Variants in CFAP91 observed in about 807,000 individuals in gnomAD.
CFAP91 encodes the protein cilia and flagella associated protein 91.
Under a neutral mutation model 95.9 loss-of-function variants are expected in CFAP91, and 85 were observed. The observed-to-expected ratio is 0.89, with a 90% CI of 0.74 to 1.06. The LOEUF is 1.06. Among genes scored for constraint, CFAP91 ranks in the 50% least tolerant of loss-of-function variants. CFAP91 has a pLI of 0.00. For missense variants in CFAP91, 962 were observed against 943.4 expected, an observed-to-expected ratio of 1.02 and a Z score of -0.26; for synonymous variants, 335 against 327.5, an observed-to-expected ratio of 1.02 and a Z score of -0.25.
At chr3:119,752,021 C>T (rs2054335559) in intron 17 of CFAP91, among the ~76,000 whole-genome samples, 1 of 152,170 alleles carries the variant, frequency 6.6e-6, no homozygotes, top group African/African-American at 2.4e-5. Flanking sequence ...ACACATATCA[C>T]CTTATCAAGT....
chr3:119,743,134 C>CT lies in CFAP91; in HGVS notation c.1681-824dup, dbSNP rs1028044541. 2.8e-3 allele frequency among the ~76,000 whole-genome samples: 379 copies of CT among 137,048 alleles called. 1 individual carries two copies. The highest frequency in any genetic ancestry group is 3.8e-3 in the African/African-American group (143 of 37,444). The allele number at this position is 137,048 out of a possible 152,430, so 89.9% of individuals were successfully genotyped here. ...ATGGACATTTGGTCTGTTTCCTGTG[C>CT]TTTTTTTTTTTTTTTTTCTGAGATG... On this transcript the variant is annotated intron_variant, in intron 13 of 17. Transcript: ENST00000273390.
intron 1 of CFAP91, among the ~76,000 whole-genome samples, chr3:119,704,913 T>C (rs1248323584): frequency 1.3e-5 from 2 of 152,252 alleles, no homozygotes; most frequent in Non-Finnish European, 2.9e-5. Flanking sequence ...AATAACATGC[T>C]GTATGGGTTT....
intron 17 of CFAP91, among the ~76,000 whole-genome samples, chr3:119,753,450 T>C (rs1335928333): frequency 5.3e-5 from 8 of 152,204 alleles, no homozygotes; most frequent in Admixed American, 5.2e-4. Context: ...AGATCCTTGG[T>C]TTCTATTGCT....
intron 17 of CFAP91, among the ~76,000 whole-genome samples, chr3:119,756,672 G>T (rs960581871): frequency 2.0e-5 from 3 of 152,128 alleles, no homozygotes; most frequent in Non-Finnish European, 4.4e-5. Context: ...GAGGATAAAA[G>T]TATAAGTTGA....
chr3:119,712,539 T>A (rs186110752), intron 5 of CFAP91, among the ~76,000 whole-genome samples: 4 of 152,328 alleles, frequency 2.6e-5, no homozygotes, highest in African/African-American at 9.6e-5. Flanking sequence ...AGTTATTTAT[T>A]CAACTAGAAT....
chr3:119,711,428 G>C (rs1174379518), intron 5 of CFAP91, among the ~76,000 whole-genome samples: 1 of 152,154 alleles, frequency 6.6e-6, no homozygotes, highest in African/African-American at 2.4e-5. Flanking sequence ...TACCTGCTTT[G>C]GAGGTCATAA....
At chr3:119,714,986 A>G (rs1428968291) in intron 5 of CFAP91, among the ~76,000 whole-genome samples, 3 of 152,206 alleles carry the variant, frequency 2.0e-5, no homozygotes, top group Admixed American at 2.0e-4. Flanking sequence ...TTTTTCTGCA[A>G]GAGACAAGCT....
chr3:119,738,495 T>C (rs1182841133), intron 11 of CFAP91, among the ~76,000 whole-genome samples: 1 of 151,630 alleles, frequency 6.6e-6, no homozygotes, highest in Non-Finnish European at 1.5e-5. Flanking sequence ...ACTACAGGCA[T>C]GTGTCACCAC....
intron 14 of CFAP91, among the ~76,000 whole-genome samples, chr3:119,744,522 G>A (rs1397269638): frequency 6.6e-6 from 1 of 152,182 alleles, no homozygotes. Flanking sequence ...GCTGGAGGGA[G>A]GACAGAGGGG....
In CFAP91 at chr3:119,749,369, T is replaced by C. The variant is rs542837846; in HGVS notation, c.2143+1467T>C. Among the ~76,000 whole-genome samples the C allele has an allele frequency of 2.0e-5, 3 of 151,980 alleles. No homozygotes were observed. The South Asian group carries it at 6.2e-4, about 32-fold the overall frequency. ...AGACCCAGTTACTACAAAAAATATT[T>C]TAAAATTAGCTAGGTGTGGTGGTAT... On this transcript the variant is annotated intron_variant, in intron 16 of 17. Transcript: ENST00000273390.
chr3:119,715,785 T>G (rs1213980889), intron 6 of CFAP91, 42 bp downstream of exon 6: 3 of 1,565,056 alleles, frequency 1.9e-6, no homozygotes, highest in East Asian at 4.5e-5. Context: ...ATGACGATGC[T>G]GATAACCACG....
intron 13 of CFAP91, among the ~76,000 whole-genome samples, chr3:119,743,196 C>T (rs552438409): frequency 5.3e-5 from 8 of 150,766 alleles, no homozygotes; most frequent in East Asian, 2.0e-4. Context: ...AGTGCAGTGG[C>T]GCCCTCTGCC....
Position 119,766,357 on chromosome 3 carries a change from G to A in CFAP91, c.*1307G>A, listed in dbSNP as rs938263903. On this transcript the variant is annotated 3_prime_UTR_variant, in exon 18 of 18. Coordinates refer to ENST00000273390, the MANE Select transcript of CFAP91 (RefSeq NM_033364.4). ...AAAACTAATTATACAAACTTGAAAG[G>A]GTTCACCTTGCCCTAGCAAAACTAG... is the stretch of plus-strand genomic sequence containing the variant. 6.6e-6 allele frequency: 1 copy of A among 151,942 alleles called. No individual in the cohort carries two copies. Among genetic ancestry groups the A allele is most frequent in the Non-Finnish European group, 1.5e-5 (1 of 67,998 alleles). The allele number at this position is 151,942 out of a possible 1,614,324, so 9.4% of individuals were successfully genotyped here. A position where few individuals can be genotyped will look rare whatever the true frequency, so the allele number is the denominator to read the frequency against.
Position 119,744,049 on chromosome 3 carries a change from A to G in CFAP91, c.1755A>G (p.Lys585=), listed in dbSNP as rs746717768. ...ALADMFDFLS[K]ELVRLQEERR... is the part of the protein sequence containing the mutation. Reference sequence around the variant, plus strand: ...CAGACATGTTTGACTTCCTGTCCAAAGAGCTGGTGAGACTGCAGGAGGAGA... The same window carrying G: ...CAGACATGTTTGACTTCCTGTCCAAGGAGCTGGTGAGACTGCAGGAGGAGA... The change falls in exon 14 of 18, where the codon AAA becomes AAG. Residue 585 remains lysine, a synonymous_variant. Coordinates refer to ENST00000273390, the MANE Select transcript of CFAP91 (RefSeq NM_033364.4). The G allele has an allele frequency of 1.2e-6, 2 of 1,614,034 alleles. No individual in the cohort carries two copies. The highest frequency in any genetic ancestry group is 2.7e-5 in the African/African-American group (2 of 74,940).
At chr3:119,754,433 G>T (rs2054385140) in intron 17 of CFAP91, among the ~76,000 whole-genome samples, 1 of 152,206 alleles carries the variant, frequency 6.6e-6, no homozygotes, top group South Asian at 2.1e-4. Context: ...AAAATTCTTA[G>T]CCTATTTATA....
rs781187516 is a variant in CFAP91, at chr3:119,715,405, A to G, written c.501-157A>G. On this transcript the variant is annotated intron_variant, in intron 5 of 17. Coordinates refer to ENST00000273390, the MANE Select transcript of CFAP91 (RefSeq NM_033364.4). ...GGCAATTCTCTCAAGATTTGTGCGCATAATCCTGGTTATAATGGATTCATG... is the reference window on the plus strand; with the variant it reads ...GGCAATTCTCTCAAGATTTGTGCGCGTAATCCTGGTTATAATGGATTCATG... 135 of 748,036 alleles carry G rather than the reference A, an allele frequency of 1.8e-4. 1 individual carries two copies. In the Middle Eastern group the frequency reaches 6.8e-3, roughly 38 times the overall value. The allele number at this position is 748,036 out of a possible 1,614,324, so 46.3% of individuals were successfully genotyped here.
In CFAP91 at chr3:119,730,601, A is replaced by AGTGTGTGTGTGTGTGT. The variant is rs60453079; in HGVS notation, c.1018+258_1018+273dup. ...TAACAGGTAGTCGAGTTACTGAGAT[A>AGTGTGTGTGTGTGTGT]GTGTGTGTGTGTGTGTGTGTGTGTG... On this transcript the variant is annotated intron_variant, in intron 8 of 17. Coordinates refer to ENST00000273390, the MANE Select transcript of CFAP91 (RefSeq NM_033364.4). Among the ~76,000 whole-genome samples the AGTGTGTGTGTGTGTGT allele has an allele frequency of 5.3e-4, 73 of 137,200 alleles. 4 individuals carry two copies. In the East Asian group the frequency reaches 0.012, roughly 23 times the overall value. 90.0% of individuals were successfully genotyped at this position (137,200 alleles called of 152,430 possible).
chr3:119,706,465 T>C (rs1351113198), intron 1 of CFAP91: 4 of 212,266 alleles, frequency 1.9e-5, no homozygotes, highest in Admixed American at 5.4e-5. Flanking sequence ...CCTTGAAGAA[T>C]TTTTTGGGTT....
chr3:119,766,367 G>A lies in CFAP91; in HGVS notation c.*1317G>A, dbSNP rs754248352. 2.0e-5 allele frequency: 3 copies of A among 152,186 alleles called. No individual in the cohort carries two copies. Among genetic ancestry groups the A allele is most frequent in the South Asian group, 2.1e-4 (1 of 4,816 alleles). The allele number at this position is 152,186 out of a possible 1,614,324, so 9.4% of individuals were successfully genotyped here. A position where few individuals can be genotyped will look rare whatever the true frequency, so the allele number is the denominator to read the frequency against. ...ATACAAACTTGAAAGGGTTCACCTT[G>A]CCCTAGCAAAACTAGGATTGGGACA... On this transcript the variant is annotated 3_prime_UTR_variant, in exon 18 of 18. Coordinates refer to ENST00000273390, the MANE Select transcript of CFAP91 (RefSeq NM_033364.4).
Sources: gnomAD v4.1 joint callset for allele counts (sites outside exome capture counted in the v4.1 genomes callset) on GRCh38, gnomAD v4.1.1 for gene constraint, MANE v1.5 for transcripts, NCBI Gene and HGNC (gene_info 2026-07-23, HGNC 2026-07-21) for gene names.